The following ANK3 variants were observed in gnomAD, a reference collection of about 807,000 sequenced individuals.
ANK3 encodes the protein ankyrin-3.
A neutral mutation model predicts 370.9 loss-of-function variants in ANK3; 57 were observed. That is an observed-to-expected ratio of 0.15 (90% CI 0.12 to 0.19). The LOEUF (loss-of-function observed/expected upper bound fraction) is 0.19, where lower values mean the gene tolerates loss of function less well. Ranked by LOEUF, ANK3 falls within the 10% of genes least tolerant of loss-of-function variation. The probability of loss-of-function intolerance (pLI) is 1.00; values close to 1 mark genes in which losing one functional copy is unlikely to be tolerated. For synonymous variants in ANK3, 1,929 were observed against 1,946.3 expected (o/e 0.99, Z 0.23); for missense variants, 4,439 against 5,302.1 (o/e 0.84, Z 5.06).
chr10:60,545,909 A>G (rs1355834052), intron 2 of ANK3, among the ~76,000 whole-genome samples: 1 of 152,244 alleles, frequency 6.6e-6, no homozygotes, highest in Non-Finnish European at 1.5e-5. Flanking sequence ...AGGAGGCCTC[A>G]GCCCAGAGGG....
chr10:60,482,336 A>G (rs940261891), intron 2 of ANK3, among the ~76,000 whole-genome samples: 7 of 152,158 alleles, frequency 4.6e-5, no homozygotes, highest in African/African-American at 1.7e-4. Flanking sequence ...CAACAAACTG[A>G]TTTCTGCCAG....
intron 26 of ANK3, 85 bp from the exon 27 acceptor site, chr10:60,109,139 T>C: frequency 9.6e-7 from 1 of 1,040,892 alleles, no homozygotes; most frequent in Non-Finnish European, 1.4e-6. Flanking sequence ...TTTAAGTTTA[T>C]TTAAAGCGAC....
chr10:60,458,877 T>C (rs2064815286), intron 2 of ANK3, among the ~76,000 whole-genome samples: 1 of 152,080 alleles, frequency 6.6e-6, no homozygotes, highest in African/African-American at 2.4e-5. Context: ...CTTACGCTAT[T>C]CAGACCTAAA....
intron 18 of ANK3, among the ~76,000 whole-genome samples, chr10:60,173,569 G>C (rs1207569276): frequency 6.6e-6 from 1 of 152,194 alleles, no homozygotes; most frequent in African/African-American, 2.4e-5. Flanking sequence ...CTTTCTGAAA[G>C]CTTTAAATCT....
intron 23 of ANK3, among the ~76,000 whole-genome samples, chr10:60,159,609 A>T (rs1248079772): frequency 6.6e-6 from 1 of 152,184 alleles, no homozygotes; most frequent in African/African-American, 2.4e-5. Flanking sequence ...CACCTGTAAA[A>T]TACACATTAT....
chr10:60,106,257 A>G (rs187421666), intron 27 of ANK3, among the ~76,000 whole-genome samples, 198 bp from the exon 28 acceptor site: 37 of 152,258 alleles, frequency 2.4e-4, no homozygotes, highest in African/African-American at 8.7e-4. Flanking sequence ...TCATTCATTC[A>G]CAAACAGTTC....
chr10:60,705,997 AT>A (rs1313710229), intron 1 of ANK3, among the ~76,000 whole-genome samples: 5 of 151,410 alleles, frequency 3.3e-5, no homozygotes, highest in African/African-American at 7.3e-5. Context: ...TAATTTTTGT[AT>A]TTTTTTGTAG....
At chr10:60,362,790 C>T (rs975394139) in intron 1 of ANK3, among the ~76,000 whole-genome samples, 5 of 152,168 alleles carry the variant, frequency 3.3e-5, no homozygotes, top group African/African-American at 1.2e-4. Context: ...GTACCATGGG[C>T]GGTGATGGAG....
intron 18 of ANK3, among the ~76,000 whole-genome samples, chr10:60,180,594 C>CAA (rs58386273): frequency 0.31 from 19,323 of 63,290 alleles, 4,219 homozygotes; most frequent in East Asian, 0.42. Flanking sequence ...GACTCCGTCT[C>CAA]AAAAAAAAAA....
At chr10:60,058,073 T>C (rs1035209136) in intron 41 of ANK3, among the ~76,000 whole-genome samples, 4 of 152,222 alleles carry the variant, frequency 2.6e-5, no homozygotes, top group South Asian at 4.1e-4. Context: ...CTAATGTGTA[T>C]GTAAATAAAA....
intron 1 of ANK3, among the ~76,000 whole-genome samples, chr10:60,698,897 TATA>T (rs200309538): frequency 0.053 from 7,749 of 145,852 alleles, 289 homozygotes; most frequent in African/African-American, 0.087. Flanking sequence ...AAACTTAAAG[TATA>T]ATAATAATAA....
chr10:60,565,172 G>A (rs902008392), intron 2 of ANK3, among the ~76,000 whole-genome samples: 2 of 152,070 alleles, frequency 1.3e-5, no homozygotes, highest in Non-Finnish European at 2.9e-5. Context: ...GGCTCCAATG[G>A]CATCAGAGAC....
intron 2 of ANK3, among the ~76,000 whole-genome samples, chr10:60,489,494 C>A (rs1488389585): frequency 1.3e-5 from 2 of 152,020 alleles, no homozygotes; most frequent in African/African-American, 4.8e-5. Context: ...TAAATTAAAA[C>A]CATCTGTGAT....
intron 7 of ANK3, among the ~76,000 whole-genome samples, chr10:60,250,893 C>T (rs1194280698): frequency 1.3e-5 from 2 of 152,214 alleles, no homozygotes; most frequent in African/African-American, 4.8e-5. Flanking sequence ...ACACAAGAGG[C>T]TGCTGTCAAT....
At chr10:60,167,892 C>T (rs1057208673) in intron 21 of ANK3, among the ~76,000 whole-genome samples, 1 of 152,086 alleles carries the variant, frequency 6.6e-6, no homozygotes, top group Admixed American at 6.5e-5. Flanking sequence ...GCATGTAATA[C>T]TGCAATGGAG....
At chr10:60,276,067 G>T (rs534665467) in intron 4 of ANK3, among the ~76,000 whole-genome samples, 1 of 152,200 alleles carries the variant, frequency 6.6e-6, no homozygotes, top group East Asian at 1.9e-4. Flanking sequence ...GAGTTAACTT[G>T]TTAAGACCTA....
chr10:60,433,812 C>T (rs933305685), intron 2 of ANK3, among the ~76,000 whole-genome samples: 1 of 152,162 alleles, frequency 6.6e-6, no homozygotes, highest in South Asian at 2.1e-4. Context: ...GATCTATTTC[C>T]AAATTCTGAG....
intron 2 of ANK3, among the ~76,000 whole-genome samples, chr10:60,566,623 AG>A (rs2077468905): frequency 6.6e-6 from 1 of 152,218 alleles, no homozygotes; most frequent in Non-Finnish European, 1.5e-5. Context: ...CTGTAATTCC[AG>A]CACTTTGGAA....
At chr10:60,230,162 T>C (rs531720952) in intron 8 of ANK3, among the ~76,000 whole-genome samples, 4 of 152,310 alleles carry the variant, frequency 2.6e-5, no homozygotes, top group South Asian at 2.1e-4. Flanking sequence ...AGGGTCTATA[T>C]TGAGTCTCTG....
Sources: allele counts gnomAD v4.1 joint callset (sites outside exome capture counted in the v4.1 genomes callset), GRCh38; gene constraint gnomAD v4.1.1; transcripts MANE v1.5; gene names NCBI Gene and HGNC (gene_info 2026-07-23, HGNC 2026-07-21).